MYO5B: variants seen among roughly 807,000 people sequenced by gnomAD.
MYO5B encodes the protein unconventional myosin-Vb.
A neutral mutation model predicts 229.3 loss-of-function variants in MYO5B; 143 were observed. The observed-to-expected ratio is 0.62, with a 90% CI of 0.54 to 0.72. MYO5B has a LOEUF of 0.72. Ranked by LOEUF, MYO5B falls within the 30% of genes least tolerant of loss-of-function variation. The probability of loss-of-function intolerance (pLI) is 0.00; values close to 1 mark genes in which losing one functional copy is unlikely to be tolerated. For synonymous variants in MYO5B, 918 were observed against 885.2 expected (o/e 1.04, Z -0.66); for missense variants, 2,321 against 2,331.0 (o/e 1.00, Z 0.09).
intron 1 of MYO5B, among the ~76,000 whole-genome samples, chr18:50,105,008 G>T (rs962217471): frequency 1.3e-5 from 2 of 151,980 alleles, no homozygotes; most frequent in African/African-American, 4.8e-5. Flanking sequence ...GACTCCAGAG[G>T]GGGTACACGA....
intron 1 of MYO5B, among the ~76,000 whole-genome samples, chr18:50,085,294 G>A (rs2031306996): frequency 6.6e-6 from 1 of 152,106 alleles, no homozygotes; most frequent in Non-Finnish European, 1.5e-5. Flanking sequence ...CATTTATGCA[G>A]CCAAAAAACA....
intron 22 of MYO5B, among the ~76,000 whole-genome samples, chr18:49,894,723 C>T (rs1338366494): frequency 6.6e-6 from 1 of 152,242 alleles, no homozygotes; most frequent in Non-Finnish European, 1.5e-5. Context: ...CCAGGGGATG[C>T]CATAGTGTCC....
At chr18:49,959,743 G>T (rs1362828095) in intron 12 of MYO5B, among the ~76,000 whole-genome samples, 1 of 152,148 alleles carries the variant, frequency 6.6e-6, no homozygotes, top group Non-Finnish European at 1.5e-5. Flanking sequence ...AGAGAAAGTG[G>T]ACTGATGAAT....
At chr18:49,861,845 GCAAAAAAACTTAAAGTGGCACTC>G (rs1218625140) in intron 29 of MYO5B, among the ~76,000 whole-genome samples, 1 of 152,140 alleles carries the variant, frequency 6.6e-6, no homozygotes, top group African/African-American at 2.4e-5. Context: ...TGACATTCTT[GCAAAAAAACTTAAAGTGGCACTC>G]ACAGTGCCAC....
intron 21 of MYO5B, among the ~76,000 whole-genome samples, chr18:49,902,366 C>T (rs570076471): frequency 6.6e-6 from 1 of 152,358 alleles, no homozygotes; most frequent in African/African-American, 2.4e-5. Flanking sequence ...ATTGCATCTG[C>T]AAAGTCCCTT....
chr18:49,960,145 T>C (rs1191762038), intron 12 of MYO5B, among the ~76,000 whole-genome samples: 2 of 152,160 alleles, frequency 1.3e-5, no homozygotes, highest in African/African-American at 4.8e-5. Flanking sequence ...CTCACTACCC[T>C]GCCTGCCACT....
At chr18:49,969,599 G>A (rs536357622) in intron 10 of MYO5B, 2 of 152,156 alleles carry the variant, frequency 1.3e-5, no homozygotes, top group East Asian at 3.9e-4. Flanking sequence ...CCAATTCTTT[G>A]TTCAAGACGC....
At chr18:50,107,389 C>A (rs2144511595) in intron 1 of MYO5B, among the ~76,000 whole-genome samples, 1 of 152,108 alleles carries the variant, frequency 6.6e-6, no homozygotes, top group Non-Finnish European at 1.5e-5. Context: ...CCAAGATCCA[C>A]CAACCACCAG....
At chr18:49,958,361 T>C (rs1000404001) in intron 12 of MYO5B, among the ~76,000 whole-genome samples, 1 of 152,208 alleles carries the variant, frequency 6.6e-6, no homozygotes, top group East Asian at 1.9e-4. Flanking sequence ...TCTCTTTCTG[T>C]TTACTGGGCA....
At chr18:50,000,380 A>G (rs1412552503) in intron 5 of MYO5B, among the ~76,000 whole-genome samples, 1 of 152,228 alleles carries the variant, frequency 6.6e-6, no homozygotes, top group Non-Finnish European at 1.5e-5. Context: ...ACTAGATGAC[A>G]TAAAACAAAC....
At chr18:50,184,353 G>A (rs1033708951) in intron 1 of MYO5B, among the ~76,000 whole-genome samples, 1 of 152,136 alleles carries the variant, frequency 6.6e-6, no homozygotes. Flanking sequence ...TGGGTTTTCT[G>A]TTGCTGGGGC....
intron 1 of MYO5B, among the ~76,000 whole-genome samples, chr18:50,081,021 T>C (rs1353245098): frequency 1.3e-5 from 2 of 152,220 alleles, no homozygotes; most frequent in Non-Finnish European, 2.9e-5. Context: ...TATATTTTCA[T>C]GCCGCTAGTA....
intron 12 of MYO5B, among the ~76,000 whole-genome samples, chr18:49,956,033 C>G (rs1214270076): frequency 6.6e-6 from 1 of 152,206 alleles, no homozygotes; most frequent in African/African-American, 2.4e-5. Flanking sequence ...CTTCGTAATC[C>G]TGCATATTCA....
At chr18:50,149,297 C>A (rs2032555740) in intron 1 of MYO5B, among the ~76,000 whole-genome samples, 1 of 150,034 alleles carries the variant, frequency 6.7e-6, no homozygotes, top group Non-Finnish European at 1.5e-5. Context: ...CCCCATCAAG[C>A]TACCAATGAC....
At chr18:49,839,015 G>T in intron 36 of MYO5B, 129 bp downstream of exon 36, 2 of 1,149,862 alleles carry the variant, frequency 1.7e-6, no homozygotes, top group Non-Finnish European at 2.6e-6. Flanking sequence ...TGCCTTCACT[G>T]GAAGGTTCTG....
chr18:50,146,088 A>T (rs2032498239), intron 1 of MYO5B, among the ~76,000 whole-genome samples: 1 of 152,238 alleles, frequency 6.6e-6, no homozygotes, highest in Non-Finnish European at 1.5e-5. Flanking sequence ...ATTATGATTT[A>T]TTGAGGGCAA....
intron 18 of MYO5B, among the ~76,000 whole-genome samples, chr18:49,909,378 C>A (rs867883928): frequency 1.3e-5 from 2 of 152,204 alleles, no homozygotes; most frequent in African/African-American, 4.8e-5. Context: ...GTTTAGACAG[C>A]GGGAGTTAGA....
At chr18:49,963,926 G>T (rs112433834) in intron 10 of MYO5B, among the ~76,000 whole-genome samples, 6 of 152,282 alleles carry the variant, frequency 3.9e-5, no homozygotes, top group South Asian at 2.1e-4. Flanking sequence ...AAGCCCCAGA[G>T]GGGTGTGTTC....
chr18:50,114,548 T>C (rs2031922622), intron 1 of MYO5B, among the ~76,000 whole-genome samples: 2 of 152,192 alleles, frequency 1.3e-5, no homozygotes, highest in South Asian at 4.1e-4. Flanking sequence ...ATCACATTTA[T>C]ATAATAAAGT....
Sources: gnomAD v4.1 joint callset for allele counts (sites outside exome capture counted in the v4.1 genomes callset) on GRCh38, gnomAD v4.1.1 for gene constraint, MANE v1.5 for transcripts, NCBI Gene and HGNC (gene_info 2026-07-23, HGNC 2026-07-21) for gene names.